DLGAP1: variants seen among roughly 807,000 people sequenced by gnomAD.
DLGAP1 encodes disks large-associated protein 1.
DLGAP1 carries 11 observed loss-of-function variants against 90.8 expected under a neutral mutation model. The observed-to-expected ratio is 0.12, with a 90% confidence interval of 0.08 to 0.20. The LOEUF (loss-of-function observed/expected upper bound fraction) is 0.20, where lower values mean the gene tolerates loss of function less well. DLGAP1 is among the 10% of genes least tolerant of loss of function. The probability of loss-of-function intolerance (pLI) is 1.00; values close to 1 mark genes in which losing one functional copy is unlikely to be tolerated. For missense variants in DLGAP1, 1,050 were observed against 1,333.8 expected (o/e 0.79, Z 3.31); for synonymous variants, 558 against 540.7 (o/e 1.03, Z -0.44).
rs114826098 is a variant in DLGAP1, at chr18:3,659,989, G to T, written c.1591+69146C>A. On this transcript the variant is annotated intron_variant, in intron 7 of 12. Coordinates refer to ENST00000315677, the MANE Select transcript of DLGAP1 (RefSeq NM_004746.4). ...TTCTGCCCTTGGCTGGTGTACTTGC[G>T]GCTCGCTCCCTCTTGCCTGCTGCCC... Among the ~76,000 whole-genome samples, 1,385 of 152,082 alleles carry T rather than the reference G, an allele frequency of 9.1e-3. 26 individuals carry two copies. The highest frequency in any genetic ancestry group is 0.031 in the African/African-American group (1,289 of 41,464).
chr18:3,703,605 A>T (rs553566094), intron 7 of DLGAP1, among the ~76,000 whole-genome samples: 1 of 152,204 alleles, frequency 6.6e-6, no homozygotes, highest in East Asian at 1.9e-4. Context: ...GGGATATTTG[A>T]AAGTTCACTA....
At chr18:3,754,586 A>G (rs1471085765) in intron 5 of DLGAP1, among the ~76,000 whole-genome samples, 3 of 151,442 alleles carry the variant, frequency 2.0e-5, no homozygotes, top group Non-Finnish European at 4.4e-5. Context: ...ATGTACAACT[A>G]TATTATAAAA....
At chr18:3,833,813 C>T (rs1444861170) in intron 4 of DLGAP1, among the ~76,000 whole-genome samples, 1 of 151,838 alleles carries the variant, frequency 6.6e-6, no homozygotes, top group Non-Finnish European at 1.5e-5. Flanking sequence ...ATTTTGATAC[C>T]TTTATTAAGA....
chr18:4,008,226 T>TACACACACACACACAC (rs67739004), intron 2 of DLGAP1, among the ~76,000 whole-genome samples: 2 of 147,008 alleles, frequency 1.4e-5, no homozygotes, highest in Non-Finnish European at 3.0e-5. Context: ...TATATATATA[T>TACACACACACACACAC]ACACACACAC....
At chr18:3,534,135 C>A (rs2052184951) in intron 10 of DLGAP1, 59 bp downstream of exon 10, 1 of 1,552,554 alleles carries the variant, frequency 6.4e-7, no homozygotes, top group East Asian at 2.2e-5. Flanking sequence ...ACAAGGTCTG[C>A]ACACACAAAG....
At chr18:3,699,472 T>G (rs1336311478) in intron 7 of DLGAP1, among the ~76,000 whole-genome samples, 4 of 152,206 alleles carry the variant, frequency 2.6e-5, no homozygotes, top group African/African-American at 9.6e-5. Context: ...CAGCGGAGGC[T>G]GCAGAACAGC....
At chr18:3,586,291 T>C (rs2055879686) in intron 7 of DLGAP1, among the ~76,000 whole-genome samples, 1 of 152,188 alleles carries the variant, frequency 6.6e-6, no homozygotes, top group Non-Finnish European at 1.5e-5. Context: ...CTCATTATTA[T>C]GAGGCTTAAG....
rs557957158 is a variant in DLGAP1, at chr18:3,518,526, A to T, written c.2480-9865T>A. 0.024 allele frequency among the ~76,000 whole-genome samples: 214 copies of T among 8,856 alleles called. No homozygotes were observed. In the Middle Eastern group the frequency reaches 0.36, roughly 15 times the overall value. 5.8% of individuals were successfully genotyped at this position (8,856 alleles called of 152,430 possible). A position where few individuals can be genotyped will look rare whatever the true frequency, so the allele number is the denominator to read the frequency against. ...GTTGCCACAAACCTTCAATTTGTTT[A>T]AAAAAAAAAAAAAGCAGTGTCTTCA... On this transcript the variant is annotated intron_variant, in intron 10 of 12. Coordinates refer to ENST00000315677, the MANE Select transcript of DLGAP1 (RefSeq NM_004746.4).
chr18:3,505,815 A>G (rs947586926), intron 11 of DLGAP1, among the ~76,000 whole-genome samples: 2 of 152,128 alleles, frequency 1.3e-5, no homozygotes, highest in Non-Finnish European at 2.9e-5. Context: ...ATTGTGCCTC[A>G]GTCTACCTAA....
At chr18:3,692,757 C>T (rs1391318970) in intron 7 of DLGAP1, among the ~76,000 whole-genome samples, 2 of 152,206 alleles carry the variant, frequency 1.3e-5, no homozygotes, top group Non-Finnish European at 2.9e-5. Flanking sequence ...CCTCCTGAAA[C>T]AACTTCTGTT....
Position 3,879,976 on chromosome 18 carries a change from G to C in DLGAP1, c.93C>G (p.Pro31=). 1 of 1,612,528 alleles carries C rather than the reference G, an allele frequency of 6.2e-7. No homozygotes were observed. Among genetic ancestry groups the C allele is most frequent in the Non-Finnish European group, 8.5e-7 (1 of 1,179,970 alleles). Residue 31 remains proline (P), a synonymous_variant, in exon 4 of 13, where the codon CCC becomes CCG. Transcript: ENST00000315677. The surrounding 1 kb of genome is among the most constrained non-coding windows in gnomAD (Gnocchi z 6.6). The part of the protein sequence containing the change: ...DSLSHHSDRK[P]YLLSPVEHHP... ...GGTGCTCCACTGGGCTCAGCAGGTAGGGCTTGCGGTCGGAGTGGTGCGACA... is the reference window on the plus strand; with the variant it reads ...GGTGCTCCACTGGGCTCAGCAGGTACGGCTTGCGGTCGGAGTGGTGCGACA...
At chr18:3,606,097 A>G (rs547852640) in intron 7 of DLGAP1, among the ~76,000 whole-genome samples, 4 of 152,328 alleles carry the variant, frequency 2.6e-5, no homozygotes, top group African/African-American at 9.6e-5. Flanking sequence ...TGAAAGATTA[A>G]AGAATTTTGG....
rs563350801 is a variant in DLGAP1, at chr18:3,673,855, T to G, written c.1591+55280A>C. ...GCCACTGTACCCAGCCTTTTTTTTT[T>G]CTTTTGAGAGGGAGTCTCACTCTGT... On this transcript the variant is annotated intron_variant, in intron 7 of 12. Transcript: ENST00000315677. 5.4e-3 allele frequency among the ~76,000 whole-genome samples: 802 copies of G among 149,490 alleles called. 3 individuals carry two copies. Among genetic ancestry groups the G allele is most frequent in the Non-Finnish European group, 9.1e-3 (617 of 67,558 alleles).
At chr18:4,145,781 A>G (rs1219319439) in intron 2 of DLGAP1, among the ~76,000 whole-genome samples, 1 of 152,176 alleles carries the variant, frequency 6.6e-6, no homozygotes, top group African/African-American at 2.4e-5. Context: ...AGACCATATG[A>G]ACATTTATTC....
At chr18:4,111,295 G>A (rs1345918740) in intron 2 of DLGAP1, among the ~76,000 whole-genome samples, 4 of 152,100 alleles carry the variant, frequency 2.6e-5, no homozygotes, top group African/African-American at 9.6e-5. Context: ...TTTCTATGTT[G>A]CTTGATTCAG....
intron 4 of DLGAP1, among the ~76,000 whole-genome samples, chr18:3,872,225 C>CAAAAAAAA (rs5822772): frequency 1.1e-5 from 1 of 87,102 alleles, no homozygotes. Flanking sequence ...CTCTCCAAGA[C>CAAAAAAAA]AAAAAAAAAA....
chr18:3,688,651 AC>A (rs1567965575), intron 7 of DLGAP1, among the ~76,000 whole-genome samples: 1,808 of 141,870 alleles, frequency 0.013, 74 homozygotes, highest in African/African-American at 0.043. Context: ...ACACACACAC[AC>A]ACACACACAC....
chr18:3,700,875 G>T (rs938775163), intron 7 of DLGAP1, among the ~76,000 whole-genome samples: 1 of 150,612 alleles, frequency 6.6e-6, no homozygotes. Context: ...TCCCAAAATG[G>T]TGGAATTACA....
chr18:3,948,808 A>T (rs1465188525), intron 3 of DLGAP1, among the ~76,000 whole-genome samples: 1 of 152,086 alleles, frequency 6.6e-6, no homozygotes, highest in African/African-American at 2.4e-5. Flanking sequence ...AAGAAGACAA[A>T]TTGGGTTCAG....
Sources: allele counts gnomAD v4.1 joint callset (sites outside exome capture counted in the v4.1 genomes callset), GRCh38; gene constraint gnomAD v4.1.1; non-coding constraint Gnocchi (gnomAD v3.1); transcripts MANE v1.5; gene names NCBI Gene and HGNC (gene_info 2026-07-23, HGNC 2026-07-21).